Variants in AKAP13 observed in about 807,000 individuals in gnomAD.
The protein encoded by AKAP13 is A-kinase anchor protein 13.
AKAP13 carries 80 observed loss-of-function variants against 264.5 expected under a neutral mutation model. That is an observed-to-expected ratio of 0.30 (90% CI 0.25 to 0.36). AKAP13 has a LOEUF of 0.36. Ranked by LOEUF, AKAP13 falls within the 10% of genes least tolerant of loss-of-function variation. AKAP13 has a pLI of 1.00. For synonymous variants in AKAP13, 1,380 were observed against 1,250.2 expected, an observed-to-expected ratio of 1.10 and a Z score of -2.19; for missense variants, 3,712 against 3,435.2, an observed-to-expected ratio of 1.08 and a Z score of -2.01.
At chr15:85,521,916 A>G (rs1287478686) in intron 3 of AKAP13, among the ~76,000 whole-genome samples, 1 of 152,208 alleles carries the variant, frequency 6.6e-6, no homozygotes, top group Non-Finnish European at 1.5e-5. Flanking sequence ...AAGATTCTAG[A>G]GAGTCTCTAG....
chr15:85,668,814 ACC>A (rs2083746486), intron 13 of AKAP13, among the ~76,000 whole-genome samples: 1 of 151,820 alleles, frequency 6.6e-6, no homozygotes, highest in African/African-American at 2.4e-5. Context: ...GTGGTGGTGC[ACC>A]CCTGTAATCC....
intron 1 of AKAP13, among the ~76,000 whole-genome samples, chr15:85,408,511 C>G (rs1055066728): frequency 2.0e-5 from 3 of 151,774 alleles, no homozygotes; most frequent in African/African-American, 7.3e-5. Flanking sequence ...CTGGCAAATA[C>G]TTTTCTACTT....
intron 2 of AKAP13, among the ~76,000 whole-genome samples, chr15:85,502,134 G>A (rs2076053690): frequency 6.6e-6 from 1 of 152,122 alleles, no homozygotes; most frequent in African/African-American, 2.4e-5. Context: ...TGCATTTCTG[G>A]TAAGTTCCCA....
chr15:85,702,306 T>G (rs578106294), intron 17 of AKAP13: 2 of 152,102 alleles, frequency 1.3e-5, no homozygotes, highest in African/African-American at 4.8e-5. Flanking sequence ...AACAAAATAG[T>G]ATGTAGTCAT....
chr15:85,416,983 T>C (rs1359200658), intron 1 of AKAP13, among the ~76,000 whole-genome samples: 1 of 152,258 alleles, frequency 6.6e-6, no homozygotes, highest in Non-Finnish European at 1.5e-5. Context: ...AAATGTGTTA[T>C]GCTTCAAAAT....
In AKAP13 at chr15:85,717,345, G is replaced by T. The variant is rs2087009192; in HGVS notation, c.5791G>T (p.Asp1931Tyr). 2 of 1,613,010 alleles carry T rather than the reference G, an allele frequency of 1.2e-6. No individual in the cohort carries two copies. The highest frequency in any genetic ancestry group is 1.7e-6 in the Non-Finnish European group (2 of 1,179,788). The change falls in exon 21 of 37, where the codon GAC becomes TAC. Residue 1931 changes from aspartate to tyrosine, a missense_variant. By Grantham distance (160) the Asp-to-Tyr change is radical (BLOSUM62 -3). Transcript: ENST00000394518. The part of the protein sequence containing the change: ...NTWKFLSHST[D>Y]SLNKISKVNE... The stretch of plus-strand genomic sequence containing the variant: ...CTGGAAATTCCTGTCTCATTCAACA[G>T]ACTCACTAAATAAAATCAGCAAGGT...
At chr15:85,508,850 CTGCT>C (rs1341152539) in intron 2 of AKAP13, among the ~76,000 whole-genome samples, 1 of 151,760 alleles carries the variant, frequency 6.6e-6, no homozygotes, top group African/African-American at 2.4e-5. Flanking sequence ...TTTGCCTTGA[CTGCT>C]TTCTTTATCT....
intron 1 of AKAP13, among the ~76,000 whole-genome samples, chr15:85,441,520 T>C (rs1196765104): frequency 1.3e-5 from 2 of 152,172 alleles, no homozygotes; most frequent in Non-Finnish European, 2.9e-5. Flanking sequence ...AAATCTAGTG[T>C]ATCATGTTTT....
At chr15:85,426,393 C>T (rs2072777695) in intron 1 of AKAP13, among the ~76,000 whole-genome samples, 1 of 152,160 alleles carries the variant, frequency 6.6e-6, no homozygotes, top group South Asian at 2.1e-4. Flanking sequence ...CTAGGATCAT[C>T]TAAAACAAAA....
At chr15:85,709,474 C>G (rs1254698671) in intron 18 of AKAP13, among the ~76,000 whole-genome samples, 4 of 152,004 alleles carry the variant, frequency 2.6e-5, no homozygotes, top group Non-Finnish European at 5.9e-5. Flanking sequence ...TCCAGGCTGC[C>G]ACTGCCTTCC....
intron 1 of AKAP13, among the ~76,000 whole-genome samples, chr15:85,412,323 T>C (rs763713708): frequency 6.6e-5 from 10 of 152,238 alleles, no homozygotes; most frequent in Non-Finnish European, 1.5e-4. Context: ...CTTTTTCAAA[T>C]TGGGTATCTA....
intron 4 of AKAP13, among the ~76,000 whole-genome samples, chr15:85,543,202 G>A (rs954891019): frequency 6.6e-6 from 1 of 152,188 alleles, no homozygotes; most frequent in African/African-American, 2.4e-5. Flanking sequence ...AGCTGGCAGT[G>A]CCAGAAATTT....
chr15:85,632,435 C>T (rs1024015547), intron 8 of AKAP13, among the ~76,000 whole-genome samples: 11 of 152,128 alleles, frequency 7.2e-5, no homozygotes, highest in African/African-American at 2.2e-4. Flanking sequence ...CCCTTTGCTT[C>T]GGAAGGAAAC....
In AKAP13 at chr15:85,581,184, G is replaced by T. The variant is rs1465976759; in HGVS notation, c.3116G>T (p.Ser1039Ile). The change falls in exon 7 of 37, where the codon AGC (serine) becomes ATC (isoleucine). Residue 1039 changes from serine to isoleucine, a missense_variant. Physicochemically the swap from Ser to Ile is moderately radical, Grantham distance 142 (BLOSUM62 -2). Coordinates refer to ENST00000394518, the MANE Select transcript of AKAP13 (RefSeq NM_007200.5). ...GAAGCCTTGGGGGCAGAGCACAACA[G>T]CTCCGCTCTGTTGCCATGTCTGTTG... is the stretch of plus-strand genomic sequence containing the variant. Reference protein sequence around the residue: ...RQEALGAEHNSSALLPCLLPD... With the variant: ...RQEALGAEHNISALLPCLLPD... 2 of 1,614,070 alleles carry T rather than the reference G, an allele frequency of 1.2e-6. No individual in the cohort carries two copies. The highest frequency in any genetic ancestry group is 3.3e-5 in the Admixed American group (2 of 60,014).
intron 19 of AKAP13, 54 bp downstream of exon 19, chr15:85,710,699 G>A (rs2086590119): frequency 1.9e-6 from 3 of 1,566,016 alleles, no homozygotes; most frequent in Non-Finnish European, 2.6e-6. Flanking sequence ...GGTTCTGAAT[G>A]TAAAAATGCT....
At chr15:85,474,443 G>A (rs2075077947) in intron 1 of AKAP13, among the ~76,000 whole-genome samples, 1 of 152,158 alleles carries the variant, frequency 6.6e-6, no homozygotes, top group African/African-American at 2.4e-5. Flanking sequence ...TAAAATAAAT[G>A]CATTAGTATT....
intron 1 of AKAP13, among the ~76,000 whole-genome samples, chr15:85,441,938 G>T (rs2073669426): frequency 6.6e-6 from 1 of 152,038 alleles, no homozygotes; most frequent in African/African-American, 2.4e-5. Flanking sequence ...GCTTTATTCT[G>T]CCCTTTAAGA....
chr15:85,669,777 C>G lies in AKAP13; in HGVS notation c.5048C>G (p.Ser1683Cys), dbSNP rs1311928175. The G allele has an allele frequency of 6.2e-7, 1 of 1,613,766 alleles. No homozygotes were observed. Reference protein sequence around the residue: ...GFNYCTSAISSPLTKSISLMT... With the variant: ...GFNYCTSAISCPLTKSISLMT... ...AATTACTGTACATCAGCCATTTCCTCTCCATTGACAAAATCCATCTCATTA... is the reference window on the plus strand; with the variant it reads ...AATTACTGTACATCAGCCATTTCCTGTCCATTGACAAAATCCATCTCATTA... The change falls in exon 14 of 37, where the codon TCT becomes TGT. Residue 1683 changes from serine (S) to cysteine (C), a missense_variant. Transcript: ENST00000394518.
intron 9 of AKAP13, among the ~76,000 whole-genome samples, chr15:85,643,013 G>A (rs1165301586): frequency 2.3e-5 from 3 of 128,678 alleles, no homozygotes; most frequent in Admixed American, 7.6e-5. Context: ...CATACTCTAG[G>A]AAACGTGAAA....
Sources: gnomAD v4.1 joint callset for allele counts (sites outside exome capture counted in the v4.1 genomes callset) on GRCh38, gnomAD v4.1.1 for gene constraint, MANE v1.5 for transcripts, NCBI Gene and HGNC (gene_info 2026-07-23, HGNC 2026-07-21) for gene names.